Variants in IARS2 observed in about 807,000 individuals in gnomAD.
IARS2 encodes isoleucine--tRNA ligase, mitochondrial.
In IARS2, 56 loss-of-function variants were observed where a neutral mutation model predicts 126.3. The observed-to-expected ratio is 0.44, with a 90% CI of 0.36 to 0.55. The LOEUF (loss-of-function observed/expected upper bound fraction) is 0.55, where lower values mean the gene tolerates loss of function less well. Ranked by LOEUF, IARS2 falls within the 20% of genes least tolerant of loss-of-function variation. The pLI is 0.00. For synonymous variants in IARS2, 407 were observed against 441.1 expected, an observed-to-expected ratio of 0.92 and a Z score of 0.97; for missense variants, 1,127 against 1,245.9, an observed-to-expected ratio of 0.90 and a Z score of 1.44.
In IARS2 at chr1:220,113,188, A is replaced by G. The variant is rs149970837; in HGVS notation, c.1480-1126A>G. 3.6e-3 allele frequency among the ~76,000 whole-genome samples: 543 copies of G among 152,270 alleles called. 5 individuals are homozygous for G. Among genetic ancestry groups the G allele is most frequent in the African/African-American group, 0.012 (504 of 41,560 alleles). ...CCAAACTCTTTAAAGCATAATTCCCATGCCATTATCACCACCTTTAAAAAG... is the reference window on the plus strand; with the variant it reads ...CCAAACTCTTTAAAGCATAATTCCCGTGCCATTATCACCACCTTTAAAAAG... On this transcript the variant is annotated intron_variant, in intron 11 of 22. Coordinates refer to ENST00000366922, the MANE Select transcript of IARS2 (RefSeq NM_018060.4).
At chr1:220,138,297 C>G (rs1358422076) in intron 17 of IARS2, among the ~76,000 whole-genome samples, 1 of 151,974 alleles carries the variant, frequency 6.6e-6, no homozygotes, top group Admixed American at 6.6e-5. Context: ...ATAGTGAAAC[C>G]CTGTCTCTAC....
intron 3 of IARS2, among the ~76,000 whole-genome samples, chr1:220,101,504 A>G (rs1462574829): frequency 2.0e-5 from 3 of 151,528 alleles, no homozygotes; most frequent in Non-Finnish European, 2.9e-5. Context: ...GTTTGAGACC[A>G]GCCTGGCCAA....
chr1:220,146,976 A>G (rs114403919), intron 22 of IARS2, among the ~76,000 whole-genome samples: 1,780 of 152,182 alleles, frequency 0.012, 29 homozygotes, highest in African/African-American at 0.041. Flanking sequence ...CCGGCCATGT[A>G]ATGTTCACAT....
chr1:220,103,877 A>C (rs1419127942), intron 8 of IARS2, among the ~76,000 whole-genome samples: 2 of 152,232 alleles, frequency 1.3e-5, no homozygotes, highest in Non-Finnish European at 2.9e-5. Context: ...CAAGAAAGGA[A>C]ATGCATATAC....
chr1:220,145,543 A>G lies in IARS2; in HGVS notation c.2786A>G (p.Gln929Arg). 6.2e-7 allele frequency: 1 copy of G among 1,613,754 alleles called. No homozygotes were observed. The highest frequency in any genetic ancestry group is 8.5e-7 in the Non-Finnish European group (1 of 1,179,740). ...LQSEETSSTS[Q>R]LNELMMASES... is the part of the protein sequence containing the mutation. Reference sequence around the variant, plus strand: ...TCTGAAGAGACTTCCAGCACCTCTCAGTTGAATGAATTAATGATGGCTTCT... The same window carrying G: ...TCTGAAGAGACTTCCAGCACCTCTCGGTTGAATGAATTAATGATGGCTTCT... The change falls in exon 22 of 23, where the codon CAG becomes CGG. Residue 929 changes from glutamine (Q) to arginine (R), a missense_variant. Physicochemically the swap from Gln to Arg is conservative, Grantham distance 43 (BLOSUM62 1). Transcript: ENST00000366922.
chr1:220,103,339 C>G (rs961500586), intron 7 of IARS2, 108 bp from the exon 8 acceptor site: 5 of 685,220 alleles, frequency 7.3e-6, no homozygotes, highest in Non-Finnish European at 1.3e-5. Flanking sequence ...TGAGCCACCG[C>G]GCTGGCCTGA....
intron 11 of IARS2, among the ~76,000 whole-genome samples, chr1:220,111,215 G>A (rs1656793318): frequency 1.3e-5 from 2 of 152,144 alleles, no homozygotes; most frequent in African/African-American, 4.8e-5. Context: ...AAGTTGCATA[G>A]AATTTGGACA....
At chr1:220,094,539 A>G in intron 1 of IARS2, 56 bp downstream of exon 1, 1 of 1,454,904 alleles carries the variant, frequency 6.9e-7, no homozygotes, top group Non-Finnish European at 9.1e-7. Flanking sequence ...GGCCGCGGGC[A>G]CCGGGCGCTC....
intron 12 of IARS2, among the ~76,000 whole-genome samples, chr1:220,120,762 T>C (rs1657033046): frequency 6.6e-6 from 1 of 151,474 alleles, no homozygotes; most frequent in South Asian, 2.1e-4. Context: ...TGGCTAAATC[T>C]AGCTAATTAA....
intron 14 of IARS2, 27 bp downstream of exon 14, chr1:220,126,870 G>T: frequency 6.7e-7 from 1 of 1,495,634 alleles, no homozygotes; most frequent in Non-Finnish European, 9.2e-7. Flanking sequence ...GATATATGCC[G>T]ATCAAGAAGT....
In IARS2 at chr1:220,126,789, G is replaced by C. The variant is rs1349539920; in HGVS notation, c.1783G>C (p.Asp595His). 1 of 1,613,262 alleles carries C rather than the reference G, an allele frequency of 6.2e-7. No homozygotes were observed. The highest frequency in any genetic ancestry group is 1.1e-5 in the South Asian group (1 of 90,812). ...PDALEYVPGQ[D>H]ILDIWFDSGT... The stretch of plus-strand genomic sequence containing the variant: ...TGCCTTGGAATATGTGCCAGGTCAG[G>C]ATATTTTGGACATCTGGTTTGATAG... Residue 595 changes from aspartate to histidine, a missense_variant, in exon 14 of 23, where the codon GAT becomes CAT. Physicochemically the swap from Asp to His is moderately conservative, Grantham distance 81. Transcript: ENST00000366922.
intron 8 of IARS2, 106 bp downstream of exon 8, chr1:220,103,668 C>A (rs994359483): frequency 1.7e-5 from 11 of 653,444 alleles, no homozygotes; most frequent in Non-Finnish European, 3.0e-5. Flanking sequence ...GATATGGCCT[C>A]TACCTTTCTA....
chr1:220,118,959 C>T (rs1571854031), intron 12 of IARS2, among the ~76,000 whole-genome samples: 2 of 152,216 alleles, frequency 1.3e-5, no homozygotes, highest in East Asian at 3.9e-4. Flanking sequence ...ATTTAGTAAA[C>T]AAATGTGAAA....
In IARS2 at chr1:220,145,180, T is replaced by C. The variant is rs75657857; in HGVS notation, c.2752-329T>C. 0.052 allele frequency among the ~76,000 whole-genome samples: 7,915 copies of C among 152,232 alleles called. 303 individuals carry two copies. Among genetic ancestry groups the C allele is most frequent in the Middle Eastern group, 0.099 (29 of 294 alleles). ...GAATCTTGGGCAAGTTAACCTCTCTTTGCTTGTTTCTTCATTTGTAAAGTG... is the reference window on the plus strand; with the variant it reads ...GAATCTTGGGCAAGTTAACCTCTCTCTGCTTGTTTCTTCATTTGTAAAGTG... On this transcript the variant is annotated intron_variant, in intron 21 of 22. Transcript: ENST00000366922.
At chr1:220,108,856 CTTTTTTTTTT>C (rs35836043) in intron 10 of IARS2, among the ~76,000 whole-genome samples, 40 of 68,248 alleles carry the variant, frequency 5.9e-4, no homozygotes, top group African/African-American at 1.5e-3. Flanking sequence ...TGTGAATCCT[CTTTTTTTTTT>C]TTTTTTTTTT....
At position 220,107,144 on chromosome 1, in the gene IARS2, T is replaced by A; in HGVS notation, c.1320T>A (p.Thr440=). The A allele has an allele frequency of 6.2e-7, 1 of 1,607,440 alleles. No homozygotes were observed. Residue 440 remains threonine, a synonymous_variant, in exon 10 of 23, where the codon ACT becomes ACA. Coordinates refer to ENST00000366922, the MANE Select transcript of IARS2 (RefSeq NM_018060.4). ...ACAAGGCTGTCCTTGAAGAGGGAAC[T>A]GATGTGGGTGAGCATCATATCTGTT... is the stretch of plus-strand genomic sequence containing the variant. ...LQNKAVLEEG[T]DVVIKMLQTA...
intron 20 of IARS2, 66 bp downstream of exon 20, chr1:220,142,014 T>C: frequency 6.8e-7 from 1 of 1,466,888 alleles, no homozygotes; most frequent in South Asian, 1.2e-5. Context: ...CTTCTACTTC[T>C]ATCTGCTTCA....
At chr1:220,113,626 GAT>G (rs200804964) in intron 11 of IARS2, among the ~76,000 whole-genome samples, 1 of 148,186 alleles carries the variant, frequency 6.7e-6, no homozygotes, top group Non-Finnish European at 1.5e-5. Context: ...TTTGTCGATA[GAT>G]ATATATATAT....
chr1:220,126,536 T>C (rs1283044929), intron 13 of IARS2, among the ~76,000 whole-genome samples: 1 of 152,178 alleles, frequency 6.6e-6, no homozygotes, highest in East Asian at 1.9e-4. Context: ...TCATATTACA[T>C]TGGTAAATAT....
Sources: gnomAD v4.1 joint callset for allele counts (sites outside exome capture counted in the v4.1 genomes callset) on GRCh38, gnomAD v4.1.1 for gene constraint, MANE v1.5 for transcripts, NCBI Gene and HGNC (gene_info 2026-07-23, HGNC 2026-07-21) for gene names.